Variants in CDH12 observed in about 807,000 individuals in gnomAD.
The protein encoded by CDH12 is cadherin 12, also known as cadherin-12.
In CDH12, 41 loss-of-function variants were observed where a neutral mutation model predicts 74.1. The observed-to-expected ratio is 0.55, with a 90% CI of 0.43 to 0.72. CDH12 has a LOEUF of 0.72. Ranked by LOEUF, CDH12 falls within the 30% of genes least tolerant of loss-of-function variation. CDH12 has a pLI of 0.00. For missense variants in CDH12, 945 were observed against 977.2 expected (o/e 0.97, Z 0.44); for synonymous variants, 399 against 355.0 (o/e 1.12, Z -1.39).
intron 3 of CDH12, among the ~76,000 whole-genome samples, chr5:22,349,886 A>G (rs902962941): frequency 6.6e-6 from 1 of 152,122 alleles, no homozygotes; most frequent in Admixed American, 6.6e-5. Context: ...AGGCGCAGCT[A>G]ATCTTTAAAA....
At chr5:22,086,343 ATTTT>A (rs1246073899) in intron 4 of CDH12, among the ~76,000 whole-genome samples, 3 of 151,412 alleles carry the variant, frequency 2.0e-5, no homozygotes, top group Non-Finnish European at 4.4e-5. Flanking sequence ...TTATTTATTT[ATTTT>A]TTATTATTAT....
intron 1 of CDH12, among the ~76,000 whole-genome samples, chr5:22,777,460 G>A (rs1747161239): frequency 6.6e-6 from 1 of 152,054 alleles, no homozygotes; most frequent in Non-Finnish European, 1.5e-5. Context: ...TTTGGGATGA[G>A]TAAGAATAAT....
chr5:22,404,293 T>C (rs1255568180), intron 3 of CDH12, among the ~76,000 whole-genome samples: 1 of 152,112 alleles, frequency 6.6e-6, no homozygotes, highest in Admixed American at 6.6e-5. Context: ...AGGATAAAGT[T>C]TTGCTTAGAA....
intron 2 of CDH12, among the ~76,000 whole-genome samples, chr5:22,471,577 G>GA (rs1277786994): frequency 6.6e-6 from 1 of 152,066 alleles, no homozygotes; most frequent in Admixed American, 6.6e-5. Context: ...TCCATGGGGG[G>GA]AAAAAACTGT....
At chr5:22,307,862 GCTTT>G (rs1738180478) in intron 3 of CDH12, among the ~76,000 whole-genome samples, 2 of 113,802 alleles carry the variant, frequency 1.8e-5, no homozygotes, top group African/African-American at 3.1e-5. Flanking sequence ...TATTTTTGCT[GCTTT>G]CTTTTAGTTT....
At chr5:22,305,398 G>A (rs1479029793) in intron 3 of CDH12, among the ~76,000 whole-genome samples, 1 of 152,144 alleles carries the variant, frequency 6.6e-6, no homozygotes, top group Non-Finnish European at 1.5e-5. Flanking sequence ...GATAGTGTCT[G>A]TGTATATTTT....
intron 3 of CDH12, among the ~76,000 whole-genome samples, chr5:22,384,490 C>A (rs1466242437): frequency 7.2e-6 from 1 of 139,540 alleles, no homozygotes; most frequent in Admixed American, 7.6e-5. Context: ...TGCACCACTG[C>A]ACTCCCGCCT....
intron 5 of CDH12, among the ~76,000 whole-genome samples, chr5:22,077,653 T>C (rs1742423759): frequency 6.6e-6 from 1 of 152,076 alleles, no homozygotes; most frequent in Admixed American, 6.6e-5. Flanking sequence ...TTTTTTTTGG[T>C]GTGGTGGACA....
chr5:22,107,450 A>G (rs994348042), intron 4 of CDH12, among the ~76,000 whole-genome samples: 6 of 81,464 alleles, frequency 7.4e-5, no homozygotes, highest in Non-Finnish European at 1.6e-4. Flanking sequence ...TCATATATAT[A>G]TGTATATGTG....
intron 1 of CDH12, among the ~76,000 whole-genome samples, chr5:22,807,784 G>T (rs1028439937): frequency 6.6e-6 from 1 of 152,092 alleles, no homozygotes; most frequent in East Asian, 1.9e-4. Flanking sequence ...TTGCACACCT[G>T]TATAGAACAC....
intron 2 of CDH12, among the ~76,000 whole-genome samples, chr5:22,466,841 T>G (rs945811795): frequency 8.4e-6 from 1 of 119,032 alleles, no homozygotes; most frequent in Non-Finnish European, 1.6e-5. Context: ...CAGGCTGGAG[T>G]GCAATGGCGC....
intron 2 of CDH12, 39 bp downstream of exon 2, chr5:22,505,231 G>C: frequency 3.0e-6 from 2 of 656,886 alleles, no homozygotes; most frequent in Non-Finnish European, 3.8e-6. Flanking sequence ...TAATTAAGAA[G>C]GTAAAAGCAT....
intron 5 of CDH12, among the ~76,000 whole-genome samples, chr5:22,058,700 G>C (rs924007119): frequency 4.9e-5 from 5 of 102,912 alleles, no homozygotes; most frequent in African/African-American, 1.8e-4. Flanking sequence ...AAGAAAGAAA[G>C]AAGAAAGAAA....
intron 9 of CDH12, among the ~76,000 whole-genome samples, chr5:21,807,588 A>C (rs1191518184): frequency 6.6e-6 from 1 of 152,172 alleles, no homozygotes; most frequent in Non-Finnish European, 1.5e-5. Flanking sequence ...AAATTATAAG[A>C]GAATAGCTAC....
chr5:22,294,188 T>C (rs750174727), intron 3 of CDH12, among the ~76,000 whole-genome samples: 7 of 152,018 alleles, frequency 4.6e-5, no homozygotes, highest in Non-Finnish European at 8.8e-5. Flanking sequence ...AATATAAAAA[T>C]AGATCTATCA....
At chr5:22,797,212 A>G (rs1446818346) in intron 1 of CDH12, among the ~76,000 whole-genome samples, 1 of 144,616 alleles carries the variant, frequency 6.9e-6, no homozygotes, top group Non-Finnish European at 1.5e-5. Context: ...AAAAAGATCC[A>G]GAGAGCTCTC....
At chr5:22,413,502 G>T (rs182483963) in intron 2 of CDH12, among the ~76,000 whole-genome samples, 30 of 152,024 alleles carry the variant, frequency 2.0e-4, no homozygotes, top group East Asian at 7.7e-4. Context: ...TTTTACAGAG[G>T]TATCTGTGGA....
Position 22,382,283 on chromosome 5 carries a change from A to C in CDH12, c.-333+22974T>G, listed in dbSNP as rs950689704. On this transcript the variant is annotated intron_variant, in intron 3 of 14. Coordinates refer to ENST00000382254, the MANE Select transcript of CDH12 (RefSeq NM_004061.5). ...ATAGAATACATATTATATATAGTCT[A>C]TATATAGAAATATATATTTCTATAT... 5.4e-5 allele frequency among the ~76,000 whole-genome samples: 8 copies of C among 147,428 alleles called. No homozygotes were observed. In the East Asian group the frequency reaches 1.6e-3, roughly 29 times the overall value.
At chr5:21,883,671 A>G in intron 6 of CDH12, 2 of 1,612,114 alleles carry the variant, frequency 1.2e-6, no homozygotes, top group Non-Finnish European at 1.7e-6. Context: ...CTTAAAAGGA[A>G]AAGGTGACAA....
Sources: allele counts gnomAD v4.1 joint callset (sites outside exome capture counted in the v4.1 genomes callset), GRCh38; gene constraint gnomAD v4.1.1; transcripts MANE v1.5; gene names NCBI Gene and HGNC (gene_info 2026-07-23, HGNC 2026-07-21).